DGAT1: variants seen among roughly 807,000 people sequenced by gnomAD.
The protein encoded by DGAT1 is diacylglycerol O-acyltransferase 1, also known as ACAT related gene product 1.
Under a neutral mutation model 72.6 loss-of-function variants are expected in DGAT1, and 60 were observed. The observed-to-expected ratio is 0.83, with a 90% confidence interval of 0.67 to 1.02. DGAT1 has a LOEUF of 1.02. Among genes scored for constraint, DGAT1 ranks in the 50% least tolerant of loss-of-function variants. The pLI is 0.00. For missense variants in DGAT1, 592 were observed against 670.0 expected (o/e 0.88, Z 1.29); for synonymous variants, 290 against 267.5 (o/e 1.08, Z -0.82).
intron 1 of DGAT1, among the ~76,000 whole-genome samples, 174 bp downstream of exon 1, chr8:144,326,263 G>A (rs2130550318): frequency 6.6e-6 from 1 of 152,162 alleles, no homozygotes; most frequent in South Asian, 2.1e-4. Flanking sequence ...CCTACCCAGT[G>A]ACCTTGTCAG....
At chr8:144,318,957 GGTGGGGCT>G (rs1213211291) in intron 3 of DGAT1, 37 bp from the exon 4 acceptor site, 10 of 1,578,298 alleles carry the variant, frequency 6.3e-6, no homozygotes, top group Non-Finnish European at 8.6e-6. Flanking sequence ...GTGGGTGGCA[GGTGGGGCT>G]GTGGGGCGGG....
Position 144,315,689 on chromosome 8 carries a change from C to T in DGAT1, c.*865G>A. On this transcript the variant is annotated 3_prime_UTR_variant, in exon 17 of 17. Coordinates refer to ENST00000528718, the MANE Select transcript of DGAT1 (RefSeq NM_012079.6). ...GGGCTGCGCTGTCTGCACTGCCCAGCCTGGTGCCAGAAGAGCAGAGGGCAA... is the reference window on the plus strand; with the variant it reads ...GGGCTGCGCTGTCTGCACTGCCCAGTCTGGTGCCAGAAGAGCAGAGGGCAA... 1.0e-6 allele frequency: 1 copy of T among 953,310 alleles called. No homozygotes were observed. Among genetic ancestry groups the T allele is most frequent in the African/African-American group, 1.8e-5 (1 of 56,634 alleles). 59.1% of individuals were successfully genotyped at this position (953,310 alleles called of 1,614,324 possible). A position where few individuals can be genotyped will look rare whatever the true frequency, so the allele number is the denominator to read the frequency against.
chr8:144,322,687 C>T (rs1817491635), intron 1 of DGAT1, among the ~76,000 whole-genome samples: 1 of 152,228 alleles, frequency 6.6e-6, no homozygotes, highest in South Asian at 2.1e-4. Flanking sequence ...CCCCAAGACC[C>T]CCAGGCAGGG....
chr8:144,320,531 T>C (rs1452552303), intron 2 of DGAT1, among the ~76,000 whole-genome samples: 1 of 152,092 alleles, frequency 6.6e-6, no homozygotes, highest in African/African-American at 2.4e-5. Context: ...TAGACACGCC[T>C]GGGTGAAGGT....
At chr8:144,322,420 G>C (rs533343433) in intron 1 of DGAT1, among the ~76,000 whole-genome samples, 44 of 152,148 alleles carry the variant, frequency 2.9e-4, no homozygotes, top group African/African-American at 8.7e-4. Context: ...ACGCACATCT[G>C]CCCCTCAGAG....
Position 144,326,490 on chromosome 8 carries a change from C to A in DGAT1, c.147G>T (p.Pro49=). 7.7e-7 allele frequency: 1 copy of A among 1,290,766 alleles called. No homozygotes were observed. The highest frequency in any genetic ancestry group is 9.9e-7 in the Non-Finnish European group (1 of 1,014,556). The allele number at this position is 1,290,766 out of a possible 1,614,324, so 80.0% of individuals were successfully genotyped here. ...CGGCGTCTCCGTCCTTGTTGGGGGC[C>A]GGGGCTGGCGCGTCCCCCGCGGCTC... The part of the protein sequence containing the change: ...DVGAAGDAPA[P]APNKDGDAGV... The change falls in exon 1 of 17, where the codon CCG becomes CCT. Residue 49 remains proline, a synonymous_variant. Transcript: ENST00000528718.
At position 144,316,334 on chromosome 8, in the gene DGAT1, G is replaced by A. The variant is rs974803234; in HGVS notation, c.*220C>T. 75 of 620,018 alleles carry A rather than the reference G, an allele frequency of 1.2e-4. No homozygotes were observed. Among genetic ancestry groups the A allele is most frequent in the Non-Finnish European group, 1.9e-4 (68 of 366,810 alleles). The allele number at this position is 620,018 out of a possible 1,614,324, so 38.4% of individuals were successfully genotyped here. Reference sequence around the variant, plus strand: ...TTGACACCCTCGGACCCGGGGCAGGGTCAGCAAGACTCCCAGCTGGCATCA... The same window carrying A: ...TTGACACCCTCGGACCCGGGGCAGGATCAGCAAGACTCCCAGCTGGCATCA... On this transcript the variant is annotated 3_prime_UTR_variant, in exon 17 of 17. Coordinates refer to ENST00000528718, the MANE Select transcript of DGAT1 (RefSeq NM_012079.6).
chr8:144,318,447 G>A lies in DGAT1; in HGVS notation c.574+14C>T. 1 of 1,610,260 alleles carries A rather than the reference G, an allele frequency of 6.2e-7. No homozygotes were observed. Among genetic ancestry groups the A allele is most frequent in the South Asian group, 1.1e-5 (1 of 90,800 alleles). ...TGGCCCGAGACAGATGGGCAGGGTG[G>A]GATGGGGGCGCACCTGGAGTGATAG... On this transcript the variant is annotated intron_variant, in intron 6 of 16. Transcript: ENST00000528718.
intron 1 of DGAT1, among the ~76,000 whole-genome samples, chr8:144,323,741 A>G (rs1400826760): frequency 1.3e-5 from 2 of 152,184 alleles, no homozygotes; most frequent in Admixed American, 1.3e-4. Flanking sequence ...GGCAACACTG[A>G]GACCTTGGCA....
At chr8:144,325,498 T>C (rs1261029683) in intron 1 of DGAT1, among the ~76,000 whole-genome samples, 1 of 152,146 alleles carries the variant, frequency 6.6e-6, no homozygotes, top group African/African-American at 2.4e-5. Context: ...CACTTCTGCC[T>C]TGATAACCTC....
chr8:144,317,515 C>T, intron 12 of DGAT1, 29 bp downstream of exon 12: 2 of 1,613,818 alleles, frequency 1.2e-6, no homozygotes, highest in South Asian at 1.1e-5. Flanking sequence ...CCCTCCTGTC[C>T]TGTGCATGCG....
chr8:144,318,576 G>A lies in DGAT1; in HGVS notation c.469-10C>T. ...GCTCCGTCAGGGCACCCTGGAGTGG[G>A]GAGCAGAGCACTCAACCAGGGCTCC... is the stretch of plus-strand genomic sequence containing the variant. On this transcript the variant is annotated splice_polypyrimidine_tract_variant and intron_variant, in intron 5 of 16. Coordinates refer to ENST00000528718, the MANE Select transcript of DGAT1 (RefSeq NM_012079.6). 1 of 1,610,748 alleles carries A rather than the reference G, an allele frequency of 6.2e-7. No homozygotes were observed. Among genetic ancestry groups the A allele is most frequent in the Non-Finnish European group, 8.5e-7 (1 of 1,179,098 alleles).
At position 144,315,047 on chromosome 8, in the gene DGAT1, G is replaced by A; in HGVS notation, c.*1507C>T. 2 of 985,590 alleles carry A rather than the reference G, an allele frequency of 2.0e-6. No homozygotes were observed. Among genetic ancestry groups the A allele is most frequent in the Middle Eastern group, 5.2e-4 (1 of 1,914 alleles). The allele number at this position is 985,590 out of a possible 1,614,324, so 61.1% of individuals were successfully genotyped here. A position where few individuals can be genotyped will look rare whatever the true frequency, so the allele number is the denominator to read the frequency against. On this transcript the variant is annotated 3_prime_UTR_variant, in exon 17 of 17. Transcript: ENST00000528718. ...CTTTCTGCCAGAGCCAGCACCCTGT[G>A]TAGGCACGGGGAACGGGAGCCTGTC...
At chr8:144,319,669 C>T (rs1588684113) in intron 2 of DGAT1, among the ~76,000 whole-genome samples, 1 of 152,304 alleles carries the variant, frequency 6.6e-6, no homozygotes, top group Non-Finnish European at 1.5e-5. Flanking sequence ...CTGCCGCCCT[C>T]TAAGCCTTGG....
At chr8:144,319,913 G>T (rs1817397738) in intron 2 of DGAT1, among the ~76,000 whole-genome samples, 2 of 152,346 alleles carry the variant, frequency 1.3e-5, no homozygotes, top group South Asian at 2.1e-4. Context: ...AAGGGTCGCT[G>T]GCAAGGGAAC....
At chr8:144,317,642 C>G in intron 11 of DGAT1, 29 bp downstream of exon 11, 2 of 1,613,916 alleles carry the variant, frequency 1.2e-6, no homozygotes, top group Non-Finnish European at 1.7e-6. Flanking sequence ...CCCAGCCACC[C>G]CAGCTGCAAG....
rs539472250 is a variant in DGAT1, at chr8:144,315,584, C to G, written c.*970G>C. On this transcript the variant is annotated 3_prime_UTR_variant, in exon 17 of 17. Coordinates refer to ENST00000528718, the MANE Select transcript of DGAT1 (RefSeq NM_012079.6). ...AGGGCCCTGGGGTTACCCCTGACCT[C>G]CCGCTACCATCAAGGGGGGCCCCAT... 2 of 985,662 alleles carry G rather than the reference C, an allele frequency of 2.0e-6. No individual in the cohort carries two copies. The highest frequency in any genetic ancestry group is 9.4e-5 in the South Asian group (2 of 21,296). 61.1% of individuals were successfully genotyped at this position (985,662 alleles called of 1,614,324 possible).
intron 12 of DGAT1, 42 bp downstream of exon 12, chr8:144,317,502 G>A (rs1817282593): frequency 6.2e-7 from 1 of 1,613,710 alleles, no homozygotes; most frequent in Non-Finnish European, 8.5e-7. Flanking sequence ...ACATGCCACT[G>A]TCCCCTCCTG....
chr8:144,322,695 G>A (rs1817491774), intron 1 of DGAT1, among the ~76,000 whole-genome samples: 1 of 152,210 alleles, frequency 6.6e-6, no homozygotes, highest in Admixed American at 6.5e-5. Flanking sequence ...CCCCCAGGCA[G>A]GGAGGATGCT....
Sources: allele counts gnomAD v4.1 joint callset (sites outside exome capture counted in the v4.1 genomes callset), GRCh38; gene constraint gnomAD v4.1.1; transcripts MANE v1.5; gene names NCBI Gene and HGNC (gene_info 2026-07-23, HGNC 2026-07-21).